Variants in TMEM266 observed in about 807,000 individuals in gnomAD.
The protein encoded by TMEM266 is transmembrane protein 266, also known as Hv1 related protein 1.
TMEM266 carries 33 observed loss-of-function variants against 50.5 expected under a neutral mutation model. The ratio of observed to expected loss-of-function variants is 0.65; its 90% CI spans 0.50 to 0.87. The LOEUF (loss-of-function observed/expected upper bound fraction) is 0.87, where lower values mean the gene tolerates loss of function less well. Among genes scored for constraint, TMEM266 ranks in the 40% least tolerant of loss-of-function variants. The pLI, the probability that TMEM266 is intolerant of heterozygous loss-of-function variation, is 0.00. For synonymous variants in TMEM266, 310 were observed against 292.3 expected, an observed-to-expected ratio of 1.06 and a Z score of -0.62; for missense variants, 655 against 695.1, an observed-to-expected ratio of 0.94 and a Z score of 0.65.
chr15:76,193,654 CCCT>C (rs1366809382), intron 9 of TMEM266, among the ~76,000 whole-genome samples: 22 of 152,186 alleles, frequency 1.4e-4, no homozygotes, highest in Admixed American at 5.2e-4. Context: ...CCTCAGCTCG[CCCT>C]CCTCTAAGTG....
chr15:76,152,697 T>G (rs1596137715), intron 3 of TMEM266, among the ~76,000 whole-genome samples: 1 of 112,232 alleles, frequency 8.9e-6, no homozygotes, highest in Admixed American at 8.8e-5. Flanking sequence ...ACATGTCGCT[T>G]TCTCACTGAG....
chr15:76,086,262 C>T (rs889144716), intron 1 of TMEM266, among the ~76,000 whole-genome samples: 3 of 152,106 alleles, frequency 2.0e-5, no homozygotes, highest in African/African-American at 4.8e-5. Flanking sequence ...CTGAAGAATC[C>T]AGGCACAGAA....
intron 1 of TMEM266, among the ~76,000 whole-genome samples, chr15:76,095,933 A>AGTT (rs1175395052): frequency 2.6e-5 from 4 of 151,982 alleles, no homozygotes; most frequent in Non-Finnish European, 5.9e-5. Context: ...TGATGGTGGT[A>AGTT]GTTTGCATTT....
At chr15:76,169,705 A>G (rs1596148921) in intron 5 of TMEM266, 111 bp from the exon 6 acceptor site, 1 of 1,220,460 alleles carries the variant, frequency 8.2e-7, no homozygotes. Flanking sequence ...GATGGCGGAG[A>G]CCTTTTCCTT....
chr15:76,179,120 A>C (rs1463300975), intron 8 of TMEM266, among the ~76,000 whole-genome samples: 3 of 152,190 alleles, frequency 2.0e-5, no homozygotes, highest in East Asian at 3.8e-4. Flanking sequence ...CAGCCCATGG[A>C]ATGGTTGAGA....
chr15:76,098,299 A>C (rs546731484), intron 1 of TMEM266, among the ~76,000 whole-genome samples: 13 of 151,836 alleles, frequency 8.6e-5, no homozygotes, highest in Non-Finnish European at 1.6e-4. Flanking sequence ...TGGTTGTGCT[A>C]TTCCTTTCTG....
intron 7 of TMEM266, among the ~76,000 whole-genome samples, chr15:76,172,949 G>T (rs984585070): frequency 2.0e-5 from 3 of 151,730 alleles, no homozygotes; most frequent in African/African-American, 7.3e-5. Context: ...GATTTTGAGA[G>T]CCCCCTTTGT....
At chr15:76,170,872 C>G in intron 6 of TMEM266, 121 bp from the exon 7 acceptor site, 1 of 1,256,426 alleles carries the variant, frequency 8.0e-7, no homozygotes, top group East Asian at 2.6e-5. Flanking sequence ...GGTGGGGTGG[C>G]CTTCTGGTGG....
At chr15:76,083,231 CTCT>C (rs1296401077) in intron 1 of TMEM266, among the ~76,000 whole-genome samples, 1 of 146,740 alleles carries the variant, frequency 6.8e-6, no homozygotes, top group Non-Finnish European at 1.5e-5. Context: ...GGTGCTGATA[CTCT>C]TTTTTTTTTT....
chr15:76,086,437 G>A (rs1351604013), intron 1 of TMEM266, among the ~76,000 whole-genome samples: 1 of 152,208 alleles, frequency 6.6e-6, no homozygotes, highest in Non-Finnish European at 1.5e-5. Context: ...TTTGTTACCA[G>A]TGGAGTATGT....
At position 76,161,373 on chromosome 15, in the gene TMEM266, C is replaced by A. The variant is rs1324651978; in HGVS notation, c.456+1205C>A. Among the ~76,000 whole-genome samples, 4 of 151,946 alleles carry A rather than the reference C, an allele frequency of 2.6e-5. No individual in the cohort carries two copies. The highest frequency in any genetic ancestry group is 5.9e-5 in the Non-Finnish European group (4 of 67,946). On this transcript the variant is annotated intron_variant, in intron 5 of 10. Transcript: ENST00000388942. The surrounding 1 kb of genome is among the most constrained non-coding windows in gnomAD (Gnocchi z 4.1). Reference sequence around the variant, plus strand: ...GGAAGGATGCTATGGGAGAGGGTGGCGTGGGCAGAGGCACTGAGGTGGGGA... The same window carrying A: ...GGAAGGATGCTATGGGAGAGGGTGGAGTGGGCAGAGGCACTGAGGTGGGGA...
intron 5 of TMEM266, among the ~76,000 whole-genome samples, chr15:76,165,896 G>A (rs2038087355): frequency 6.6e-6 from 1 of 152,196 alleles, no homozygotes; most frequent in Admixed American, 6.5e-5. Context: ...GTAACCCGGG[G>A]CAGGGTCGCC....
rs1306377489 is a variant in TMEM266 at position 76,181,920 on chromosome 15, A to G, written c.768+6246A>G. Among the ~76,000 whole-genome samples, 4 of 152,176 alleles carry G rather than the reference A, an allele frequency of 2.6e-5. No homozygotes were observed. In the East Asian group the frequency reaches 7.7e-4, roughly 29 times the overall value. On this transcript the variant is annotated intron_variant, in intron 8 of 10. Transcript: ENST00000388942. ...CTGGTAACAGCTTTTGGTACAAAAT[A>G]GTATGATCTGACCTGGCCCACTGTG...
intron 3 of TMEM266, among the ~76,000 whole-genome samples, chr15:76,141,448 G>A (rs541358402): frequency 5.9e-5 from 9 of 151,634 alleles, no homozygotes; most frequent in African/African-American, 9.7e-5. Flanking sequence ...CATATTGCCC[G>A]GGCTGGTCTC....
chr15:76,084,836 C>T (rs545234956), intron 1 of TMEM266, among the ~76,000 whole-genome samples: 2 of 151,870 alleles, frequency 1.3e-5, no homozygotes, highest in South Asian at 2.1e-4. Context: ...CTCCTGACCT[C>T]GTGATCTGCC....
intron 10 of TMEM266, among the ~76,000 whole-genome samples, chr15:76,203,346 T>C (rs1239332936): frequency 3.3e-5 from 5 of 152,148 alleles, no homozygotes; most frequent in African/African-American, 1.2e-4. Context: ...CCACTGTAGG[T>C]TGGCTGGGGG....
intron 1 of TMEM266, among the ~76,000 whole-genome samples, chr15:76,101,815 C>T (rs2037004659): frequency 6.6e-6 from 1 of 152,226 alleles, no homozygotes; most frequent in African/African-American, 2.4e-5. Flanking sequence ...AGGTCATTTC[C>T]CCACGCCTGG....
chr15:76,155,318 A>G (rs1286198708), intron 3 of TMEM266, among the ~76,000 whole-genome samples: 3 of 152,046 alleles, frequency 2.0e-5, no homozygotes, highest in Non-Finnish European at 4.4e-5. Context: ...CAGCTCCCCC[A>G]TCTCTGTATT....
intron 1 of TMEM266, among the ~76,000 whole-genome samples, chr15:76,103,292 C>T (rs1229268924): frequency 1.3e-5 from 2 of 151,506 alleles, no homozygotes; most frequent in Admixed American, 6.6e-5. Flanking sequence ...TGCTTGAGCC[C>T]AGGAGTTCAA....
Sources: allele counts gnomAD v4.1 joint callset (sites outside exome capture counted in the v4.1 genomes callset), GRCh38; gene constraint gnomAD v4.1.1; non-coding constraint Gnocchi (gnomAD v3.1); transcripts MANE v1.5; gene names NCBI Gene and HGNC (gene_info 2026-07-23, HGNC 2026-07-21).